The following NOVA1 variants were observed in gnomAD, a reference collection of about 807,000 sequenced individuals.
NOVA1 encodes NOVA alternative splicing regulator 1.
Under a neutral mutation model 38.0 loss-of-function variants are expected in NOVA1, and 7 were observed. The observed-to-expected ratio is 0.18, with a 90% CI of 0.10 to 0.35. The LOEUF (loss-of-function observed/expected upper bound fraction) is 0.35, where lower values mean the gene tolerates loss of function less well. Ranked by LOEUF, NOVA1 falls within the 10% of genes least tolerant of loss-of-function variation. NOVA1 has a pLI of 1.00. For missense variants in NOVA1, 460 were observed against 616.0 expected (o/e 0.75, Z 2.68); for synonymous variants, 270 against 232.5 (o/e 1.16, Z -1.47).
At chr14:26,455,703 G>GAA (rs535205365) in intron 4 of NOVA1, among the ~76,000 whole-genome samples, 1 of 147,508 alleles carries the variant, frequency 6.8e-6, no homozygotes, top group Non-Finnish European at 1.5e-5. Context: ...AAGAAAAATA[G>GAA]AAAAAAAAAA....
intron 2 of NOVA1, among the ~76,000 whole-genome samples, chr14:26,529,476 G>T (rs893305538): frequency 1.1e-4 from 17 of 152,098 alleles, no homozygotes; most frequent in Non-Finnish European, 2.2e-4. Flanking sequence ...ACCTGATATG[G>T]GAAAGGTCAA....
intron 2 of NOVA1, among the ~76,000 whole-genome samples, chr14:26,481,988 T>TA (rs372806170): frequency 0.014 from 1,531 of 105,784 alleles, 147 homozygotes; most frequent in African/African-American, 0.065. Context: ...TAGATAGAGA[T>TA]AAAAAAAAAA....
intron 2 of NOVA1, among the ~76,000 whole-genome samples, chr14:26,560,298 A>G (rs1167197922): frequency 2.6e-5 from 4 of 152,298 alleles, no homozygotes; most frequent in East Asian, 3.9e-4. Flanking sequence ...GAAATCAGTA[A>G]TTGTATAAAT....
At chr14:26,466,300 A>C (rs1390480924) in intron 4 of NOVA1, among the ~76,000 whole-genome samples, 1 of 152,242 alleles carries the variant, frequency 6.6e-6, no homozygotes, top group African/African-American at 2.4e-5. Flanking sequence ...TTACTCAGCG[A>C]AACGGTAAAC....
At chr14:26,460,935 T>TAC (rs1227218975) in intron 4 of NOVA1, among the ~76,000 whole-genome samples, 5 of 151,984 alleles carry the variant, frequency 3.3e-5, no homozygotes, top group South Asian at 2.1e-4. Context: ...TTGAACTGTA[T>TAC]ACACACACAC....
At chr14:26,550,761 T>C (rs1891109366) in intron 2 of NOVA1, among the ~76,000 whole-genome samples, 1 of 152,098 alleles carries the variant, frequency 6.6e-6, no homozygotes, top group African/African-American at 2.4e-5. Context: ...CTGAGGGTGC[T>C]TTGTGACAAA....
At chr14:26,516,424 T>C (rs565388378) in intron 2 of NOVA1, among the ~76,000 whole-genome samples, 1 of 152,304 alleles carries the variant, frequency 6.6e-6, no homozygotes, top group East Asian at 1.9e-4. Flanking sequence ...ACCACTTTAA[T>C]GTTTGCCTAA....
chr14:26,541,030 A>G (rs1024869460), intron 2 of NOVA1, among the ~76,000 whole-genome samples: 1 of 152,176 alleles, frequency 6.6e-6, no homozygotes, highest in African/African-American at 2.4e-5. Context: ...TTTAGGATCC[A>G]GAAAAAAAAT....
At chr14:26,462,065 G>T (rs896999661) in intron 4 of NOVA1, among the ~76,000 whole-genome samples, 2 of 151,862 alleles carry the variant, frequency 1.3e-5, no homozygotes, top group Non-Finnish European at 2.9e-5. Context: ...ATTTATTATT[G>T]ACAAAAAGAT....
intron 2 of NOVA1, among the ~76,000 whole-genome samples, chr14:26,575,776 T>C (rs1021905026): frequency 3.2e-4 from 48 of 152,020 alleles, no homozygotes; most frequent in African/African-American, 1.2e-3. Context: ...TGTTATTATA[T>C]AATTATTTCA....
At chr14:26,452,163 C>T (rs1392422515) in intron 4 of NOVA1, among the ~76,000 whole-genome samples, 1 of 152,088 alleles carries the variant, frequency 6.6e-6, no homozygotes, top group Non-Finnish European at 1.5e-5. Flanking sequence ...GACAAAAGAA[C>T]ATGAGAATCC....
At chr14:26,456,434 A>T (rs1594325485) in intron 4 of NOVA1, among the ~76,000 whole-genome samples, 2 of 152,124 alleles carry the variant, frequency 1.3e-5, no homozygotes, top group Admixed American at 1.3e-4. Flanking sequence ...AAGAGATGAA[A>T]TTATTTAGGG....
In NOVA1 at chr14:26,448,261, T is replaced by C. The variant is rs1882262360; in HGVS notation, c.1222A>G (p.Ser408Gly). 6.2e-7 allele frequency: 1 copy of C among 1,614,238 alleles called. No homozygotes were observed. Among genetic ancestry groups the C allele is most frequent in the Non-Finnish European group, 8.5e-7 (1 of 1,180,044 alleles). ...GACTTTTCTGTTCCTAGAATGGCAC[T>C]GGCAGCTAGGGGAGAAGCAGCTCCA... ...YFGAASPLAA[S>G]AILGTEKSTD... Residue 408 changes from serine (S) to glycine (G), a missense_variant, in exon 5 of 5, where the codon AGT (serine) becomes GGT (glycine). Ser to Gly is a moderately conservative substitution (Grantham distance 56, BLOSUM62 0). Transcript: ENST00000539517. This position sits in a 1 kb window ranked among gnomAD's most constrained non-coding sequence, Gnocchi z 5.3.
chr14:26,480,922 T>C (rs1474268826), intron 2 of NOVA1, among the ~76,000 whole-genome samples: 2 of 152,074 alleles, frequency 1.3e-5, no homozygotes, highest in East Asian at 3.8e-4. Flanking sequence ...AAAGATATTA[T>C]TAATAGTATT....
chr14:26,596,260 A>G (rs890997035), intron 1 of NOVA1, among the ~76,000 whole-genome samples: 1 of 152,214 alleles, frequency 6.6e-6, no homozygotes, highest in Non-Finnish European at 1.5e-5. Flanking sequence ...AATTCTGCCA[A>G]TACTAAAAAG....
intron 2 of NOVA1, among the ~76,000 whole-genome samples, chr14:26,582,157 A>C (rs1893266125): frequency 6.6e-6 from 1 of 151,882 alleles, no homozygotes; most frequent in Non-Finnish European, 1.5e-5. Flanking sequence ...TAGAATTCAG[A>C]TAACTGTTAG....
intron 2 of NOVA1, among the ~76,000 whole-genome samples, chr14:26,554,460 G>A (rs1650485872): frequency 6.6e-6 from 1 of 152,060 alleles, no homozygotes; most frequent in Non-Finnish European, 1.5e-5. Context: ...AAAAGTCCAA[G>A]TCATATTGAC....
chr14:26,548,016 A>G (rs988418182), intron 2 of NOVA1, among the ~76,000 whole-genome samples: 2 of 152,126 alleles, frequency 1.3e-5, no homozygotes, highest in African/African-American at 4.8e-5. Flanking sequence ...TGAATAAGAT[A>G]CTAAGAACTG....
intron 2 of NOVA1, among the ~76,000 whole-genome samples, chr14:26,572,762 G>GTGTA (rs1160410407): frequency 1.3e-5 from 2 of 149,326 alleles, no homozygotes; most frequent in African/African-American, 2.5e-5. Context: ...GTGTGTGTGT[G>GTGTA]TGTATGTGTG....
Sources: allele counts gnomAD v4.1 joint callset (sites outside exome capture counted in the v4.1 genomes callset), GRCh38; gene constraint gnomAD v4.1.1; non-coding constraint Gnocchi (gnomAD v3.1); transcripts MANE v1.5; gene names NCBI Gene and HGNC (gene_info 2026-07-23, HGNC 2026-07-21).